Variants in TMEM63A observed in about 807,000 individuals in gnomAD.
TMEM63A encodes the protein transmembrane protein 63A, also known as mechanosensitive cation channel TMEM63A.
In TMEM63A, 76 loss-of-function variants were observed where a neutral mutation model predicts 100.6. The observed-to-expected ratio is 0.76, with a 90% CI of 0.63 to 0.91. The LOEUF (loss-of-function observed/expected upper bound fraction) is 0.91. TMEM63A is among the 40% of genes least tolerant of loss of function. The probability of loss-of-function intolerance (pLI) is 0.00; values close to 1 mark genes in which losing one functional copy is unlikely to be tolerated. For missense variants in TMEM63A, 876 were observed against 1,008.8 expected, an observed-to-expected ratio of 0.87 and a Z score of 1.78; for synonymous variants, 401 against 401.1, an observed-to-expected ratio of 1.00 and a Z score of 0.00.
In TMEM63A at chr1:225,851,286, T is replaced by C. The variant is rs1367024401; in HGVS notation, c.1904-1207A>G. Among the ~76,000 whole-genome samples, 3 of 152,214 alleles carry C rather than the reference T, an allele frequency of 2.0e-5. No individual in the cohort carries two copies. The East Asian group carries it at 5.8e-4, about 29-fold the overall frequency. On this transcript the variant is annotated intron_variant, in intron 20 of 24. Coordinates refer to ENST00000366835, the MANE Select transcript of TMEM63A (RefSeq NM_014698.3). The stretch of plus-strand genomic sequence containing the variant: ...AACAGAGAATGAGGCCCAAGGGTCT[T>C]ACCCCAGGGGTGGCACAGGAGCACA...
downstream of TMEM63A, chr1:225,844,495 C>T: frequency 6.2e-7 from 1 of 1,614,118 alleles, no homozygotes; most frequent in African/African-American, 1.3e-5. Context: ...TCTGCGTTCC[C>T]AGGAAGTTCT....
At chr1:225,844,631 T>C, downstream of TMEM63A, 1 of 1,613,812 alleles carries the variant, frequency 6.2e-7, no homozygotes, top group South Asian at 1.1e-5. Context: ...GCGGTGAGCC[T>C]GGCTGAGCCG....
chr1:225,852,571 A>C, intron 20 of TMEM63A, 93 bp downstream of exon 20: 2 of 1,235,496 alleles, frequency 1.6e-6, no homozygotes, highest in South Asian at 2.5e-5. Flanking sequence ...TGGGAACTCC[A>C]TTGTGCCCTG....
intron 6 of TMEM63A, 119 bp from the exon 7 acceptor site, chr1:225,868,149 T>A: frequency 7.6e-7 from 1 of 1,311,252 alleles, no homozygotes; most frequent in Non-Finnish European, 1.0e-6. Flanking sequence ...TATCCCCACA[T>A]TTTTGTTCAC....
At chr1:225,859,610 A>G (rs1669830489) in intron 14 of TMEM63A, 1 of 477,438 alleles carries the variant, frequency 2.1e-6, no homozygotes, top group Non-Finnish European at 3.7e-6. Context: ...CAAGCAGGCC[A>G]AACAAGGCTC....
intron 2 of TMEM63A, 113 bp from the exon 3 acceptor site, chr1:225,877,707 G>T: frequency 9.1e-7 from 1 of 1,095,066 alleles, no homozygotes; most frequent in Non-Finnish European, 1.3e-6. Flanking sequence ...TGATCGGGCA[G>T]TGAGCCAGCA....
At chr1:225,842,644 A>G (rs1017260736), downstream of TMEM63A, among the ~76,000 whole-genome samples, 16 of 152,340 alleles carry the variant, frequency 1.1e-4, no homozygotes, top group African/African-American at 3.4e-4. Context: ...TTTTTGGGTG[A>G]GGTGGCCTGG....
intron 23 of TMEM63A, 92 bp from the exon 24 acceptor site, chr1:225,847,305 A>C: frequency 6.8e-7 from 1 of 1,473,834 alleles, no homozygotes; most frequent in Non-Finnish European, 9.2e-7. Flanking sequence ...CAGGACACAG[A>C]CAGTGGCCAT....
intron 19 of TMEM63A, 117 bp from the exon 20 acceptor site, chr1:225,852,886 C>T (rs910709492): frequency 2.6e-5 from 22 of 830,744 alleles, no homozygotes; most frequent in Admixed American, 6.2e-5. Flanking sequence ...ATAGGAGATG[C>T]GTGGCTCCCC....
At position 225,853,917 on chromosome 1, in the gene TMEM63A, A is replaced by G. The variant is rs1272762211; in HGVS notation, c.1635-126T>C. On this transcript the variant is annotated intron_variant, in intron 18 of 24. Transcript: ENST00000366835. The surrounding 1 kb of genome is among the most constrained non-coding windows in gnomAD (Gnocchi z 4.0). Reference sequence around the variant, plus strand: ...GTATACTCTTCCGTTCATTCAGCACATATTTGGGAAACACATCTGTGTGCC... The same window carrying G: ...GTATACTCTTCCGTTCATTCAGCACGTATTTGGGAAACACATCTGTGTGCC... 4.2e-6 allele frequency: 4 copies of G among 942,524 alleles called. No individual in the cohort carries two copies. Among genetic ancestry groups the G allele is most frequent in the Middle Eastern group, 3.3e-4 (1 of 3,030 alleles). The allele number at this position is 942,524 out of a possible 1,614,324, so 58.4% of individuals were successfully genotyped here.
rs1296172369 is a variant in TMEM63A at position 225,848,918 on chromosome 1, G to T, written c.2166C>A (p.His722Gln). ...TTACTTTGTAGTTCAGAGGGCTGAG[G>T]TGCTTGAAGCATCCAAAGCAGGTGT... The part of the protein sequence containing the change: ...LAHTCFGCFK[H>Q]LSPLNYKTEE... The change falls in exon 22 of 25, where the codon CAC (histidine) becomes CAA (glutamine). Residue 722 changes from histidine to glutamine, a missense_variant. Physicochemically the swap from His to Gln is conservative, Grantham distance 24. Coordinates refer to ENST00000366835, the MANE Select transcript of TMEM63A (RefSeq NM_014698.3). The T allele has an allele frequency of 6.3e-7, 1 of 1,596,228 alleles. No individual in the cohort carries two copies. Among genetic ancestry groups the T allele is most frequent in the East Asian group, 2.3e-5 (1 of 44,372 alleles).
chr1:225,842,360 C>T (rs755104822), downstream of TMEM63A: 28 of 1,604,150 alleles, frequency 1.7e-5, no homozygotes, highest in African/African-American at 4.0e-5. Flanking sequence ...CCCCGCTCCC[C>T]GCCAGGCTCT....
intron 20 of TMEM63A, among the ~76,000 whole-genome samples, chr1:225,850,487 A>C (rs2102663): frequency 0.24 from 37,161 of 151,962 alleles, 5,333 homozygotes; most frequent in East Asian, 0.4. Context: ...TAGCTTGTTT[A>C]CTCATGTGGT....
chr1:225,844,761 G>A, downstream of TMEM63A: 1 of 1,384,142 alleles, frequency 7.2e-7, no homozygotes, highest in Non-Finnish European at 9.8e-7. Flanking sequence ...CCTTGGATGG[G>A]AACACTAAAG....
chr1:225,842,346 T>TGCTCCCC (rs780293578), downstream of TMEM63A: 11 of 1,557,126 alleles, frequency 7.1e-6, no homozygotes, highest in Non-Finnish European at 8.0e-6. Context: ...GTCTCTCCCT[T>TGCTCCCC]GCTCCCCGCT....
At position 225,849,922 on chromosome 1, in the gene TMEM63A, G is replaced by A; in HGVS notation, c.2061C>T (p.Phe687=). Residue 687 remains phenylalanine (F), a synonymous_variant, in exon 21 of 25, where the codon TTC becomes TTT. Transcript: ENST00000366835. ...AGAAGGGCTGCTCACCCAGGCGCAG[G>A]AAGGAAAAGAAGTAGAGCCAGAAGA... ...LCLFWLYFFS[F]LRLGMKAPAT... The A allele has an allele frequency of 6.2e-7, 1 of 1,614,044 alleles. No homozygotes were observed. The highest frequency in any genetic ancestry group is 8.5e-7 in the Non-Finnish European group (1 of 1,179,984).
rs10158985 is a variant in TMEM63A, at chr1:225,862,909, C to A, written c.747-58G>T. On this transcript the variant is annotated intron_variant, in intron 10 of 24. Transcript: ENST00000366835. This position sits in a 1 kb window ranked among gnomAD's most constrained non-coding sequence, Gnocchi z 5.1. ...CCGTTGGAAAAGAAAACACCCCAAG[C>A]AGGAGACGTGCCCACGGATCCAAGG... is the stretch of plus-strand genomic sequence containing the variant. 312,414 of 1,519,338 alleles carry A rather than the reference C, an allele frequency of 0.21. 34,298 individuals carry two copies. The highest frequency in any genetic ancestry group is 0.23 in the Non-Finnish European group (257,716 of 1,107,242). The allele number at this position is 1,519,338 out of a possible 1,614,324, so 94.1% of individuals were successfully genotyped here.
intron 2 of TMEM63A, among the ~76,000 whole-genome samples, chr1:225,878,141 CAGAGCTGGGACCTCAG>C (rs1278365261): frequency 6.6e-6 from 1 of 152,196 alleles, no homozygotes; most frequent in Non-Finnish European, 1.5e-5. Context: ...CACAGAATGT[CAGAGCTGGGACCTCAG>C]AGATGGGTCC....
Position 225,848,988 on chromosome 1 carries a change from A to T in TMEM63A, c.2096T>A (p.Phe699Tyr). 1 of 1,601,020 alleles carries T rather than the reference A, an allele frequency of 6.2e-7. No individual in the cohort carries two copies. The highest frequency in any genetic ancestry group is 1.1e-5 in the South Asian group (1 of 88,240). Residue 699 changes from phenylalanine (F) to tyrosine (Y), a missense_variant, in exon 22 of 25, where the codon TTC becomes TAC. Around this residue, in one of 5 missense-constraint regions of TMEM63A, gnomAD observed 339 missense variants for 342.3 expected, o/e 0.99. Transcript: ENST00000366835. ...GGTGAGCAGCAGCACCAGGAAGGTG[A>T]ACAGAGTGGCGGGGGCCTTCATACC... ...RLGMKAPATLFTFLVLLLTIL... is the reference protein window; with the variant it reads ...RLGMKAPATLYTFLVLLLTIL...
Sources: allele counts gnomAD v4.1 joint callset (sites outside exome capture counted in the v4.1 genomes callset), GRCh38; gene constraint gnomAD v4.1.1; regional missense constraint gnomAD v4.1.1; non-coding constraint Gnocchi (gnomAD v3.1); transcripts MANE v1.5; gene names NCBI Gene and HGNC (gene_info 2026-07-23, HGNC 2026-07-21).